Variants in TRPS1 observed in about 807,000 individuals in gnomAD.
TRPS1 encodes the protein zinc finger transcription factor Trps1.
TRPS1 carries 6 observed loss-of-function variants against 101.2 expected under a neutral mutation model. The observed-to-expected ratio is 0.06, with a 90% CI of 0.03 to 0.12. The LOEUF (loss-of-function observed/expected upper bound fraction) is 0.12. Ranked by LOEUF, TRPS1 falls within the 10% of genes least tolerant of loss-of-function variation. The pLI is 1.00. For missense variants in TRPS1, 1,363 were observed against 1,567.0 expected, an observed-to-expected ratio of 0.87 and a Z score of 2.20; for synonymous variants, 578 against 589.8, an observed-to-expected ratio of 0.98 and a Z score of 0.29.
chr8:115,627,559 A>C (rs1440808544), intron 1 of TRPS1, among the ~76,000 whole-genome samples: 1 of 151,860 alleles, frequency 6.6e-6, no homozygotes, highest in Admixed American at 6.6e-5. Context: ...TTATGATGTG[A>C]ATTGACATTT....
chr8:115,635,559 T>G (rs559421601), intron 1 of TRPS1, among the ~76,000 whole-genome samples: 17 of 152,220 alleles, frequency 1.1e-4, no homozygotes, highest in Admixed American at 4.6e-4. Flanking sequence ...GAGCTTATAG[T>G]CTACCTAGAG....
chr8:115,582,844 G>A (rs756201365), intron 5 of TRPS1, among the ~76,000 whole-genome samples: 16 of 152,114 alleles, frequency 1.1e-4, no homozygotes, highest in Non-Finnish European at 1.9e-4. Flanking sequence ...CTTTCCTCTA[G>A]CTGCAAGAAA....
intron 4 of TRPS1, among the ~76,000 whole-genome samples, chr8:115,591,569 C>T (rs779059993): frequency 1.1e-4 from 16 of 152,152 alleles, no homozygotes; most frequent in Non-Finnish European, 1.9e-4. Context: ...AACTCCCTGA[C>T]TCCTGGCATG....
chr8:115,500,156 A>G (rs1815278265), intron 5 of TRPS1, among the ~76,000 whole-genome samples: 1 of 151,848 alleles, frequency 6.6e-6, no homozygotes, highest in Non-Finnish European at 1.5e-5. Context: ...CAGCCTCCCA[A>G]GTAGCTGGGA....
At chr8:115,415,389 G>A (rs1237683550) in intron 6 of TRPS1, among the ~76,000 whole-genome samples, 6 of 152,152 alleles carry the variant, frequency 3.9e-5, no homozygotes, top group Admixed American at 3.3e-4. Context: ...ATGAAACGGT[G>A]TAGAAAGTCA....
intron 5 of TRPS1, among the ~76,000 whole-genome samples, chr8:115,521,692 T>C (rs938676263): frequency 2.0e-5 from 3 of 151,906 alleles, no homozygotes; most frequent in Non-Finnish European, 2.9e-5. Flanking sequence ...ATTTAAAAAA[T>C]TTAAATGTGC....
At chr8:115,546,262 T>A (rs1237840351) in intron 5 of TRPS1, among the ~76,000 whole-genome samples, 1 of 151,788 alleles carries the variant, frequency 6.6e-6, no homozygotes, top group Non-Finnish European at 1.5e-5. Flanking sequence ...ACATATATAT[T>A]TAAAAAGCAT....
chr8:115,414,310 C>A lies in TRPS1; in HGVS notation c.3598G>T (p.Ala1200Ser). Residue 1200 changes from alanine (A) to serine (S), a missense_variant, in exon 7 of 7, where the codon GCA becomes TCA. Physicochemically the swap from Ala to Ser is moderately conservative, Grantham distance 99. Coordinates refer to ENST00000395715, the MANE Select transcript of TRPS1 (RefSeq NM_014112.5). This position sits in a 1 kb window ranked among gnomAD's most constrained non-coding sequence, Gnocchi z 4.8. ...ANGASKEKTK[A>S]PPNVKNEGPL... is the part of the protein sequence containing the mutation. The stretch of plus-strand genomic sequence containing the variant: ...CCTTCATTTTTTACATTTGGTGGTG[C>A]CTTCGTTTTCTCCTTGGAGGCACCG... 6.2e-7 allele frequency: 1 copy of A among 1,613,902 alleles called. No individual in the cohort carries two copies. The highest frequency in any genetic ancestry group is 2.2e-5 in the East Asian group (1 of 44,872).
Position 115,616,316 on chromosome 8 carries a change from T to C in TRPS1, c.966+2816A>G, listed in dbSNP as rs115872390. On this transcript the variant is annotated intron_variant, in intron 3 of 6. Transcript: ENST00000395715. ...TATTATCAGCACAAGCATGTCTAAA[T>C]TTCAATTATTCCTCCAAGTATATTT... Among the ~76,000 whole-genome samples the C allele has an allele frequency of 9.3e-3, 1,411 of 152,330 alleles. 18 individuals are homozygous for C. Among genetic ancestry groups the C allele is most frequent in the African/African-American group, 0.031 (1,298 of 41,578 alleles).
At chr8:115,635,903 G>A (rs1443176073) in intron 1 of TRPS1, among the ~76,000 whole-genome samples, 1 of 152,106 alleles carries the variant, frequency 6.6e-6, no homozygotes, top group Non-Finnish European at 1.5e-5. Context: ...AGATAATAAT[G>A]TATCATATGT....
chr8:115,625,275 C>A, intron 1 of TRPS1, among the ~76,000 whole-genome samples: 1 of 151,900 alleles, frequency 6.6e-6, no homozygotes, highest in East Asian at 1.9e-4. Flanking sequence ...ATTTAAATCA[C>A]CTGCTCGTGT....
At chr8:115,480,137 C>T (rs1260130153) in intron 5 of TRPS1, among the ~76,000 whole-genome samples, 2 of 152,048 alleles carry the variant, frequency 1.3e-5, no homozygotes, top group African/African-American at 4.8e-5. Flanking sequence ...CTGTGAAAGT[C>T]AGACAGATTA....
intron 5 of TRPS1, among the ~76,000 whole-genome samples, chr8:115,425,749 A>T (rs1270330596): frequency 6.6e-6 from 1 of 152,164 alleles, no homozygotes; most frequent in African/African-American, 2.4e-5. Flanking sequence ...AATTTATCAC[A>T]CAGATATAAA....
chr8:115,416,695 TC>T (rs1279350808), intron 6 of TRPS1, among the ~76,000 whole-genome samples: 5 of 151,670 alleles, frequency 3.3e-5, no homozygotes, highest in African/African-American at 1.2e-4. Flanking sequence ...CAACTATAAA[TC>T]CTTTTTGGAA....
At chr8:115,582,588 T>G (rs1374171527) in intron 5 of TRPS1, among the ~76,000 whole-genome samples, 1 of 152,142 alleles carries the variant, frequency 6.6e-6, no homozygotes, top group Non-Finnish European at 1.5e-5. Flanking sequence ...ACAACACTCC[T>G]GTGAGGGTGG....
chr8:115,500,052 C>T (rs561586831), intron 5 of TRPS1, among the ~76,000 whole-genome samples: 20 of 151,032 alleles, frequency 1.3e-4, no homozygotes, highest in African/African-American at 3.9e-4. Context: ...TTTTCCAAGA[C>T]GCGATCTCGC....
At chr8:115,573,211 A>G (rs1412539894) in intron 5 of TRPS1, among the ~76,000 whole-genome samples, 1 of 152,130 alleles carries the variant, frequency 6.6e-6, no homozygotes, top group Admixed American at 6.6e-5. Flanking sequence ...TGATCCAGCC[A>G]TTCACTAGCT....
At chr8:115,579,043 C>CA (rs1187981021) in intron 5 of TRPS1, among the ~76,000 whole-genome samples, 2 of 151,898 alleles carry the variant, frequency 1.3e-5, no homozygotes, top group Admixed American at 6.6e-5. Context: ...GTGATCTAGG[C>CA]AAAATACTTA....
At chr8:115,526,146 T>A (rs1295330971) in intron 5 of TRPS1, among the ~76,000 whole-genome samples, 5 of 152,068 alleles carry the variant, frequency 3.3e-5, no homozygotes, top group Non-Finnish European at 1.5e-5. Flanking sequence ...CCATTTCTAC[T>A]AAAAATACAA....
Sources: allele counts gnomAD v4.1 joint callset (sites outside exome capture counted in the v4.1 genomes callset), GRCh38; gene constraint gnomAD v4.1.1; non-coding constraint Gnocchi (gnomAD v3.1); transcripts MANE v1.5; gene names NCBI Gene and HGNC (gene_info 2026-07-23, HGNC 2026-07-21).